Variants in PLXNA4 observed in about 807,000 individuals in gnomAD.
The protein encoded by PLXNA4 is plexin A4, also known as plexin-A4.
Under a neutral mutation model 191.8 loss-of-function variants are expected in PLXNA4, and 44 were observed. That is an observed-to-expected ratio of 0.23 (90% confidence interval 0.18 to 0.29). The LOEUF is 0.29. Among genes scored for constraint, PLXNA4 ranks in the 10% least tolerant of loss-of-function variants. PLXNA4 has a pLI of 1.00. For synonymous variants in PLXNA4, 1,082 were observed against 1,009.5 expected (o/e 1.07, Z -1.36); for missense variants, 1,800 against 2,488.8 (o/e 0.72, Z 5.89).
intron 2 of PLXNA4, among the ~76,000 whole-genome samples, chr7:132,613,112 C>T (rs768542439): frequency 2.0e-5 from 3 of 152,136 alleles, no homozygotes; most frequent in African/African-American, 4.8e-5. Context: ...GACCTACTAG[C>T]GATTCCTCTC....
rs1166854030 is a variant in PLXNA4, at chr7:132,449,859, C to G, written c.1371+39433G>C. On this transcript the variant is annotated intron_variant, in intron 3 of 31. Coordinates refer to ENST00000321063, the MANE Select transcript of PLXNA4 (RefSeq NM_020911.2). Reference sequence around the variant, plus strand: ...GGTGTTCGCCTTGGGGGAACCAAGACCTCTCTGAGAATCTTCTCAAATATT... The same window carrying G: ...GGTGTTCGCCTTGGGGGAACCAAGAGCTCTCTGAGAATCTTCTCAAATATT... Among the ~76,000 whole-genome samples the G allele has an allele frequency of 2.0e-5, 3 of 152,250 alleles. No individual in the cohort carries two copies. The East Asian group carries it at 5.8e-4, about 29-fold the overall frequency.
At chr7:132,143,127 T>TA (rs1464295319) in intron 29 of PLXNA4, among the ~76,000 whole-genome samples, 3 of 152,126 alleles carry the variant, frequency 2.0e-5, no homozygotes, top group Admixed American at 2.0e-4. Flanking sequence ...GAGGGTGGGT[T>TA]ACACCTTGGG....
At chr7:132,168,982 G>A (rs1429810078) in intron 21 of PLXNA4, among the ~76,000 whole-genome samples, 2 of 152,156 alleles carry the variant, frequency 1.3e-5, no homozygotes, top group Non-Finnish European at 2.9e-5. Flanking sequence ...CCATCCCTGA[G>A]CCTGGGACTA....
chr7:132,312,282 A>G (rs1801775797), intron 3 of PLXNA4, among the ~76,000 whole-genome samples: 1 of 152,236 alleles, frequency 6.6e-6, no homozygotes, highest in Admixed American at 6.5e-5. Context: ...CACTGGCCAC[A>G]GTTATTACAA....
intron 3 of PLXNA4, among the ~76,000 whole-genome samples, chr7:132,414,547 G>T (rs1211352648): frequency 2.6e-5 from 4 of 152,118 alleles, no homozygotes; most frequent in Admixed American, 2.0e-4. Flanking sequence ...CCACACAGAG[G>T]TTTGATGCTT....
rs1223714693 is a variant in PLXNA4 at position 132,503,067 on chromosome 7, G to C, written c.1188+4439C>G. Among the ~76,000 whole-genome samples the C allele has an allele frequency of 2.6e-5, 4 of 152,180 alleles. No homozygotes were observed. The South Asian group carries it at 8.3e-4, about 32-fold the overall frequency. ...CTCCACACCGCCTAATCAGTACTAT[G>C]GCCGAGACTATCTGACTCCCATACC... On this transcript the variant is annotated intron_variant, in intron 2 of 31. Transcript: ENST00000321063.
At chr7:132,516,345 G>A (rs1798940921) in intron 1 of PLXNA4, among the ~76,000 whole-genome samples, 1 of 151,956 alleles carries the variant, frequency 6.6e-6, no homozygotes, top group Non-Finnish European at 1.5e-5. Context: ...TTTCGTATAT[G>A]ATTTACATGG....
chr7:132,451,566 G>A (rs1485811667), intron 3 of PLXNA4, among the ~76,000 whole-genome samples: 2 of 152,250 alleles, frequency 1.3e-5, no homozygotes, highest in African/African-American at 4.8e-5. Context: ...GTCCAGCAAG[G>A]AAAGGCTATT....
At chr7:132,401,372 G>A (rs1372314509) in intron 3 of PLXNA4, among the ~76,000 whole-genome samples, 2 of 152,216 alleles carry the variant, frequency 1.3e-5, no homozygotes, top group African/African-American at 2.4e-5. Context: ...GTTGCAGCCT[G>A]AGCATCAGAG....
rs371780141 is a variant in PLXNA4, at chr7:132,569,279, TCTC to T, written c.-87+7140_-87+7142del. ...GCCAGCTTGGTAATACACTATTTGT[TCTC>T]CTTCCTTCCCTACCTCTCCTCCTTT... On this transcript the variant is annotated intron_variant, in intron 1 of 31. Transcript: ENST00000321063. Among the ~76,000 whole-genome samples the T allele has an allele frequency of 1.5e-4, 23 of 152,320 alleles. No homozygotes were observed. The East Asian group carries it at 3.1e-3, about 20-fold the overall frequency.
At chr7:132,468,132 C>T (rs945128169) in intron 3 of PLXNA4, among the ~76,000 whole-genome samples, 1 of 152,074 alleles carries the variant, frequency 6.6e-6, no homozygotes, top group Non-Finnish European at 1.5e-5. Flanking sequence ...ACAAAAAAAC[C>T]CTGTAATCTG....
chr7:132,231,792 C>A (rs570101629), intron 5 of PLXNA4, among the ~76,000 whole-genome samples: 1 of 152,350 alleles, frequency 6.6e-6, no homozygotes, highest in South Asian at 2.1e-4. Flanking sequence ...GGCACGGCTG[C>A]AGCAGTTTTC....
intron 2 of PLXNA4, among the ~76,000 whole-genome samples, chr7:132,633,025 T>C (rs1803523685): frequency 6.6e-6 from 1 of 152,230 alleles, no homozygotes; most frequent in South Asian, 2.1e-4. Flanking sequence ...AGCGAAAACC[T>C]GTGTCTGCTC....
chr7:132,148,524 C>G lies in PLXNA4; in HGVS notation c.4764+19G>C. ...GACTTGTAGTTGGCTAGCTCCTCCC[C>G]TTTCCACATTCCCCTCACCTGGTAG... On this transcript the variant is annotated intron_variant, in intron 26 of 31. Coordinates refer to ENST00000321063, the MANE Select transcript of PLXNA4 (RefSeq NM_020911.2). 6.2e-7 allele frequency: 1 copy of G among 1,613,946 alleles called. No homozygotes were observed. Among genetic ancestry groups the G allele is most frequent in the South Asian group, 1.1e-5 (1 of 91,040 alleles).
intron 16 of PLXNA4, among the ~76,000 whole-genome samples, chr7:132,184,416 C>G (rs1796809824): frequency 6.6e-6 from 1 of 152,212 alleles, no homozygotes; most frequent in South Asian, 2.1e-4. Flanking sequence ...TTCCCAGTGA[C>G]CTCTGTGAGC....
At chr7:132,329,976 C>T (rs1263449905) in intron 3 of PLXNA4, among the ~76,000 whole-genome samples, 1 of 152,172 alleles carries the variant, frequency 6.6e-6, no homozygotes, top group East Asian at 1.9e-4. Context: ...GTCTAAGAGA[C>T]CTTAACTCTT....
intron 22 of PLXNA4, among the ~76,000 whole-genome samples, chr7:132,167,253 C>T (rs1796149627): frequency 6.6e-6 from 1 of 152,176 alleles, no homozygotes; most frequent in African/African-American, 2.4e-5. Flanking sequence ...AGGCGAAAGT[C>T]ATAGGATAAG....
chr7:132,382,729 C>G (rs1445776662), intron 3 of PLXNA4, among the ~76,000 whole-genome samples: 1 of 152,158 alleles, frequency 6.6e-6, no homozygotes, highest in Non-Finnish European at 1.5e-5. Flanking sequence ...GACAATGCTA[C>G]TAACACAGTA....
intron 4 of PLXNA4, among the ~76,000 whole-genome samples, chr7:132,269,936 C>A (rs1156830241): frequency 6.6e-6 from 1 of 152,064 alleles, no homozygotes; most frequent in Non-Finnish European, 1.5e-5. Context: ...GAGGCCCCTA[C>A]TTTTAATGGG....
Sources: gnomAD v4.1 joint callset for allele counts (sites outside exome capture counted in the v4.1 genomes callset) on GRCh38, gnomAD v4.1.1 for gene constraint, MANE v1.5 for transcripts, NCBI Gene and HGNC (gene_info 2026-07-23, HGNC 2026-07-21) for gene names.